POLR3E: variants seen among roughly 807,000 people sequenced by gnomAD.
POLR3E encodes RNA polymerase III subunit E, also known as DNA-directed RNA polymerase III subunit RPC5.
A neutral mutation model predicts 96.6 loss-of-function variants in POLR3E; 41 were observed. The observed-to-expected ratio is 0.42, with a 90% confidence interval of 0.33 to 0.55. The LOEUF (loss-of-function observed/expected upper bound fraction) is 0.55, where lower values mean the gene tolerates loss of function less well. POLR3E is among the 20% of genes least tolerant of loss of function. The pLI is 0.06. For missense variants in POLR3E, 849 were observed against 952.1 expected, an observed-to-expected ratio of 0.89 and a Z score of 1.43; for synonymous variants, 396 against 383.6, an observed-to-expected ratio of 1.03 and a Z score of -0.38.
In POLR3E at chr16:22,313,970, CGAG is replaced by C. The variant is rs759384714; in HGVS notation, c.473-105_473-103del. On this transcript the variant is annotated intron_variant, in intron 7 of 20. Coordinates refer to ENST00000299853, the MANE Select transcript of POLR3E (RefSeq NM_018119.4). This position sits in a 1 kb window ranked among gnomAD's most constrained non-coding sequence, Gnocchi z 4.1. Reference sequence around the variant, plus strand: ...CCACTGGCTTAGGCAGCTCCCTCTGCGAGGAGAACTCCCAGCACCCCGGCCTGA... The same window carrying C: ...CCACTGGCTTAGGCAGCTCCCTCTGCGAGAACTCCCAGCACCCCGGCCTGA... 7 of 967,532 alleles carry C rather than the reference CGAG, an allele frequency of 7.2e-6. No individual in the cohort carries two copies. Among genetic ancestry groups the C allele is most frequent in the African/African-American group, 1.6e-5 (1 of 62,456 alleles). 59.9% of individuals were successfully genotyped at this position (967,532 alleles called of 1,614,324 possible). A position where few individuals can be genotyped will look rare whatever the true frequency, so the allele number is the denominator to read the frequency against.
At chr16:22,311,104 T>C (rs2048235867) in intron 6 of POLR3E, among the ~76,000 whole-genome samples, 1 of 152,080 alleles carries the variant, frequency 6.6e-6, no homozygotes, top group Non-Finnish European at 1.5e-5. Flanking sequence ...TAGCTGGGAC[T>C]ACAGGTGCAC....
Position 22,333,801 on chromosome 16 carries a change from G to A in POLR3E, c.*101G>A. ...TGCTTCAGACGACACAGAGCAAGAGGAACTGACCATCTCATGACCTGTGGC... is the reference window on the plus strand; with the variant it reads ...TGCTTCAGACGACACAGAGCAAGAGAAACTGACCATCTCATGACCTGTGGC... On this transcript the variant is annotated 3_prime_UTR_variant, in exon 21 of 21. Transcript: ENST00000299853. The A allele has an allele frequency of 1.3e-6, 1 of 799,868 alleles. No individual in the cohort carries two copies. The highest frequency in any genetic ancestry group is 2.5e-5 in the East Asian group (1 of 40,392). 49.5% of individuals were successfully genotyped at this position (799,868 alleles called of 1,614,324 possible).
chr16:22,315,223 G>A lies in POLR3E; in HGVS notation c.642+15G>A, dbSNP rs751341681. 26 of 1,571,528 alleles carry A rather than the reference G, an allele frequency of 1.7e-5. No homozygotes were observed. The highest frequency in any genetic ancestry group is 6.8e-5 in the African/African-American group (5 of 73,934). The stretch of plus-strand genomic sequence containing the variant: ...ATGGCCTGAGGGTGAGCGGGGCTTC[G>A]TGGGGTCCTGGGGGAAACACCTCGG... On this transcript the variant is annotated intron_variant, in intron 9 of 20. Coordinates refer to ENST00000299853, the MANE Select transcript of POLR3E (RefSeq NM_018119.4).
intron 8 of POLR3E, among the ~76,000 whole-genome samples, chr16:22,314,384 C>T (rs1309030406): frequency 2.0e-5 from 3 of 152,146 alleles, no homozygotes; most frequent in Non-Finnish European, 2.9e-5. Flanking sequence ...GGGCCAGGAG[C>T]CCTGAGGACC....
intron 1 of POLR3E, among the ~76,000 whole-genome samples, chr16:22,299,899 C>T (rs35777654): frequency 3.0e-5 from 4 of 132,250 alleles, no homozygotes; most frequent in Non-Finnish European, 4.6e-5. Flanking sequence ...GACCGGGGGG[C>T]GGGGGGCGCC....
At position 22,319,071 on chromosome 16, in the gene POLR3E, T is replaced by C. The variant is rs2048418539; in HGVS notation, c.986+125T>C. 1.5e-5 allele frequency: 9 copies of C among 590,310 alleles called. No homozygotes were observed. In the South Asian group the frequency reaches 2.0e-4, roughly 13 times the overall value. 36.6% of individuals were successfully genotyped at this position (590,310 alleles called of 1,614,324 possible). On this transcript the variant is annotated intron_variant, in intron 13 of 20. Coordinates refer to ENST00000299853, the MANE Select transcript of POLR3E (RefSeq NM_018119.4). ...CTCACTGTAACTTCTCCCTCCCAGG[T>C]CCAAGCAACTCTCCTGCCTCAGCCT... is the stretch of plus-strand genomic sequence containing the variant.
At position 22,325,948 on chromosome 16, in the gene POLR3E, G is replaced by A; in HGVS notation, c.1536G>A (p.Gln512=). ...VSEEGEEDEE[Q]EAEEEPMDTS... is the part of the protein sequence containing the mutation. ...AGGAGGGCGAGGAGGACGAGGAGCA[G>A]GAGGCGGAGGAGGAGCCCATGGACA... The change falls in exon 18 of 21, where the codon CAG becomes CAA. Residue 512 remains glutamine, a synonymous_variant. Coordinates refer to ENST00000299853, the MANE Select transcript of POLR3E (RefSeq NM_018119.4). The A allele has an allele frequency of 1.3e-6, 2 of 1,590,936 alleles. No individual in the cohort carries two copies. Among genetic ancestry groups the A allele is most frequent in the Non-Finnish European group, 1.7e-6 (2 of 1,168,474 alleles).
At position 22,333,702 on chromosome 16, in the gene POLR3E, A is replaced by G. The variant is rs769351857; in HGVS notation, c.*2A>G. ...CTTAAAGGGACAGTACAGTCTTGAC[A>G]ATAGTAGCAAACTACTAACCCAGCA... On this transcript the variant is annotated 3_prime_UTR_variant, in exon 21 of 21. Coordinates refer to ENST00000299853, the MANE Select transcript of POLR3E (RefSeq NM_018119.4). 1 of 1,600,552 alleles carries G rather than the reference A, an allele frequency of 6.2e-7. No individual in the cohort carries two copies. The highest frequency in any genetic ancestry group is 1.1e-5 in the South Asian group (1 of 90,792).
At position 22,314,879 on chromosome 16, in the gene POLR3E, G is replaced by T. The variant is rs2048322049; in HGVS notation, c.523-210G>T. ...CCCCTCAAGCCTCTGGGCTGGGCAGGCACGAGCAAGTATAAGCCGTTCCCT... is the reference window on the plus strand; with the variant it reads ...CCCCTCAAGCCTCTGGGCTGGGCAGTCACGAGCAAGTATAAGCCGTTCCCT... On this transcript the variant is annotated intron_variant, in intron 8 of 20. Transcript: ENST00000299853. 3 of 471,584 alleles carry T rather than the reference G, an allele frequency of 6.4e-6. No homozygotes were observed. In the South Asian group the frequency reaches 8.7e-5, roughly 14 times the overall value. 29.2% of individuals were successfully genotyped at this position (471,584 alleles called of 1,614,324 possible).
At chr16:22,297,893 G>C (rs2141712385) in intron 1 of POLR3E, among the ~76,000 whole-genome samples, 1 of 152,346 alleles carries the variant, frequency 6.6e-6, no homozygotes, top group South Asian at 2.1e-4. Context: ...CGTGGTGGGC[G>C]TGAGAAGGGG....
chr16:22,330,695 G>A (rs2048718562), intron 19 of POLR3E, among the ~76,000 whole-genome samples: 1 of 152,070 alleles, frequency 6.6e-6, no homozygotes, highest in African/African-American at 2.4e-5. Flanking sequence ...CAGAGGAGTT[G>A]TCTGCATTCT....
intron 3 of POLR3E, 80 bp downstream of exon 3, chr16:22,305,286 C>T (rs764601608): frequency 1.4e-5 from 14 of 1,006,568 alleles, no homozygotes; most frequent in African/African-American, 3.2e-5. Flanking sequence ...GGGCAGGAAA[C>T]GATGGGAAAC....
At chr16:22,312,644 A>G (rs2048269819) in intron 6 of POLR3E, among the ~76,000 whole-genome samples, 1 of 152,128 alleles carries the variant, frequency 6.6e-6, no homozygotes, top group African/African-American at 2.4e-5. Context: ...AGACGGGCAG[A>G]TCACAAGGTC....
intron 5 of POLR3E, 63 bp downstream of exon 5, chr16:22,309,103 C>A: frequency 1.7e-6 from 2 of 1,185,140 alleles, no homozygotes; most frequent in Non-Finnish European, 2.5e-6. Context: ...TCCAAAAGAC[C>A]TTAAAGACAT....
intron 3 of POLR3E, among the ~76,000 whole-genome samples, chr16:22,306,249 GCTTTT>G (rs1223037772): frequency 6.6e-6 from 1 of 152,042 alleles, no homozygotes; most frequent in Non-Finnish European, 1.5e-5. Context: ...CAATATTTGA[GCTTTT>G]CTTTTTTTTG....
At position 22,322,950 on chromosome 16, in the gene POLR3E, C is replaced by T. The variant is rs1331370391; in HGVS notation, c.1068+19C>T. On this transcript the variant is annotated intron_variant, in intron 14 of 20. Coordinates refer to ENST00000299853, the MANE Select transcript of POLR3E (RefSeq NM_018119.4). This position sits in a 1 kb window ranked among gnomAD's most constrained non-coding sequence, Gnocchi z 5.2. ...CTTCGTTGTAAGTACCTTGGGTTCT[C>T]TGGACTCACGGTGGGGGCGTGGGAA... is the stretch of plus-strand genomic sequence containing the variant. The T allele has an allele frequency of 6.4e-7, 1 of 1,571,440 alleles. No individual in the cohort carries two copies. The highest frequency in any genetic ancestry group is 1.7e-5 in the Admixed American group (1 of 59,276).
Position 22,318,784 on chromosome 16 carries a change from C to G in POLR3E, c.866-42C>G. ...TCTCGGTGGAGGGGAGGGAAGGGCCCGGCCCCTCTTCCTTGTCTGATGTCT... is the reference window on the plus strand; with the variant it reads ...TCTCGGTGGAGGGGAGGGAAGGGCCGGGCCCCTCTTCCTTGTCTGATGTCT... On this transcript the variant is annotated intron_variant, in intron 12 of 20. Transcript: ENST00000299853. This position sits in a 1 kb window ranked among gnomAD's most constrained non-coding sequence, Gnocchi z 5.0. 1 of 1,591,796 alleles carries G rather than the reference C, an allele frequency of 6.3e-7. No homozygotes were observed.
intron 9 of POLR3E, among the ~76,000 whole-genome samples, chr16:22,315,534 C>G (rs969747474): frequency 1.3e-5 from 2 of 152,314 alleles, no homozygotes; most frequent in Non-Finnish European, 2.9e-5. Flanking sequence ...AGGCCAGATG[C>G]ATTCTCCGGT....
intron 1 of POLR3E, chr16:22,298,897 T>A (rs770933807): frequency 2.4e-4 from 107 of 445,620 alleles, no homozygotes; most frequent in Middle Eastern, 3.3e-4. Context: ...TTTTTTAAAG[T>A]AATGCTCCCC....
Sources: allele counts gnomAD v4.1 joint callset (sites outside exome capture counted in the v4.1 genomes callset), GRCh38; gene constraint gnomAD v4.1.1; non-coding constraint Gnocchi (gnomAD v3.1); transcripts MANE v1.5; gene names NCBI Gene and HGNC (gene_info 2026-07-23, HGNC 2026-07-21).